SCARB2: variants seen among roughly 807,000 people sequenced by gnomAD.
SCARB2 encodes scavenger receptor class B member 2.
A neutral mutation model predicts 58.6 loss-of-function variants in SCARB2; 29 were observed. That is an observed-to-expected ratio of 0.49 (90% CI 0.37 to 0.67). The LOEUF is 0.67. Ranked by LOEUF, SCARB2 falls within the 30% of genes least tolerant of loss-of-function variation. The pLI, the probability that SCARB2 is intolerant of heterozygous loss-of-function variation, is 0.00. For missense variants in SCARB2, 488 were observed against 578.5 expected (o/e 0.84, Z 1.60); for synonymous variants, 195 against 210.1 (o/e 0.93, Z 0.62).
chr4:76,210,624 T>C (rs970400171), intron 1 of SCARB2, among the ~76,000 whole-genome samples: 4 of 152,356 alleles, frequency 2.6e-5, no homozygotes, highest in African/African-American at 9.6e-5. Flanking sequence ...AGAGAAGTAC[T>C]ATTATGCCTC....
At chr4:76,179,084 T>G in intron 4 of SCARB2, 1 of 182,372 alleles carries the variant, frequency 5.5e-6, no homozygotes, top group South Asian at 1.1e-4. Context: ...GACAGAGTCT[T>G]GCTCTGTCAC....
intron 11 of SCARB2, chr4:76,162,534 C>T (rs148833208): frequency 1.0e-4 from 16 of 153,580 alleles, no homozygotes; most frequent in African/African-American, 2.9e-4. Context: ...AACTCTTTAT[C>T]CTAGCCTTCC....
intron 7 of SCARB2, chr4:76,173,928 CT>C: frequency 1.6e-6 from 1 of 610,506 alleles, no homozygotes; most frequent in Non-Finnish European, 2.9e-6. Context: ...ACAATATATT[CT>C]TTTTTGTTTG....
At chr4:76,212,766 G>T (rs1323386223) in intron 1 of SCARB2, among the ~76,000 whole-genome samples, 1 of 152,198 alleles carries the variant, frequency 6.6e-6, no homozygotes, top group Non-Finnish European at 1.5e-5. Flanking sequence ...TCAGATTCTT[G>T]TAGGGTATCT....
intron 2 of SCARB2, chr4:76,194,181 G>A (rs927345289): frequency 2.0e-5 from 3 of 152,250 alleles, no homozygotes; most frequent in Non-Finnish European, 4.4e-5. Flanking sequence ...AAGCCGAGCA[G>A]AGCCAGTGTG....
At chr4:76,169,331 C>CACAT (rs10681169) in intron 8 of SCARB2, among the ~76,000 whole-genome samples, 1 of 140,958 alleles carries the variant, frequency 7.1e-6, no homozygotes, top group African/African-American at 3.0e-5. Context: ...CACACACACA[C>CACAT]ACACACACAC....
chr4:76,231,508 C>T (rs1733491888), intron 1 of SCARB2, among the ~76,000 whole-genome samples: 1 of 146,634 alleles, frequency 6.8e-6, no homozygotes, highest in Non-Finnish European at 1.5e-5. Flanking sequence ...TTCTCACTCG[C>T]CAGTCCTCAT....
intron 2 of SCARB2, among the ~76,000 whole-genome samples, chr4:76,190,254 C>G (rs1203451876): frequency 6.6e-6 from 1 of 152,036 alleles, no homozygotes; most frequent in East Asian, 1.9e-4. Flanking sequence ...AAGTGATCTG[C>G]CCACCTCAAC....
chr4:76,160,004 A>G lies in SCARB2; in HGVS notation c.*1709T>C, dbSNP rs546979594. ...ATGTAGATATTTAGCATTATTGAAG[A>G]CCAAATATTTTTGTTAGTTTTTTTA... On this transcript the variant is annotated 3_prime_UTR_variant, in exon 12 of 12. Transcript: ENST00000264896. The G allele has an allele frequency of 9.8e-5, 15 of 152,340 alleles. No homozygotes were observed. The highest frequency in any genetic ancestry group is 5.2e-4 in the Admixed American group (8 of 15,300). 9.4% of individuals were successfully genotyped at this position (152,340 alleles called of 1,614,324 possible).
Position 76,223,689 on chromosome 4 carries a change from A to T in SCARB2, c.-358+10614T>A, listed in dbSNP as rs140459763. 6.4e-4 allele frequency among the ~76,000 whole-genome samples: 97 copies of T among 152,322 alleles called. No homozygotes were observed. In the Middle Eastern group the frequency reaches 0.014, roughly 21 times the overall value. Reference sequence around the variant, plus strand: ...ACAACCTATGACCCATGAGTAGAGTAAAGTGTGAGAAGCATAGCAGGTTAG... The same window carrying T: ...ACAACCTATGACCCATGAGTAGAGTTAAGTGTGAGAAGCATAGCAGGTTAG... On this transcript the variant is annotated intron_variant, in intron 1 of 11. Coordinates refer to the SCARB2 transcript ENST00000638295.
chr4:76,196,222 G>A (rs1016443769), intron 1 of SCARB2, among the ~76,000 whole-genome samples: 1 of 152,202 alleles, frequency 6.6e-6, no homozygotes, highest in African/African-American at 2.4e-5. Flanking sequence ...GTGTGGTGGT[G>A]CGTGCCTGTA....
intron 2 of SCARB2, among the ~76,000 whole-genome samples, chr4:76,186,102 G>A (rs1233394168): frequency 2.0e-5 from 3 of 152,142 alleles, no homozygotes; most frequent in Admixed American, 2.0e-4. Flanking sequence ...GTAGAGCATG[G>A]GAGACTGCCT....
chr4:76,187,085 CA>C (rs1578727728), intron 2 of SCARB2, among the ~76,000 whole-genome samples: 1 of 152,052 alleles, frequency 6.6e-6, no homozygotes, highest in South Asian at 2.1e-4. Context: ...ACAGTATAAA[CA>C]AAATTCCTGC....
At chr4:76,167,055 A>G (rs1194998718) in intron 9 of SCARB2, among the ~76,000 whole-genome samples, 3 of 152,202 alleles carry the variant, frequency 2.0e-5, no homozygotes, top group South Asian at 2.1e-4. Context: ...ACTCAACATT[A>G]TATCATAATT....
intron 9 of SCARB2, 21 bp from the exon 10 acceptor site, chr4:76,166,322 A>G: frequency 6.2e-7 from 1 of 1,612,532 alleles, no homozygotes; most frequent in African/African-American, 1.3e-5. Flanking sequence ...AAAGGATGAG[A>G]TTGTTTCAGA....
intron 3 of SCARB2, 181 bp from the exon 4 acceptor site, chr4:76,179,886 TG>T: frequency 1.5e-6 from 1 of 669,796 alleles, no homozygotes; most frequent in Non-Finnish European, 2.7e-6. Flanking sequence ...GCCTCTTCTC[TG>T]TCCTTTCCCA....
chr4:76,162,039 C>T (rs1731910549), intron 11 of SCARB2: 2 of 494,196 alleles, frequency 4.0e-6, no homozygotes, highest in African/African-American at 3.9e-5. Flanking sequence ...TTGCCTCCTT[C>T]CTGGTTTGAA....
At chr4:76,232,688 C>T (rs1446190722) in intron 1 of SCARB2, among the ~76,000 whole-genome samples, 2 of 152,128 alleles carry the variant, frequency 1.3e-5, no homozygotes, top group African/African-American at 4.8e-5. Flanking sequence ...TTTACCTAGA[C>T]ATGTCAAATC....
At chr4:76,188,518 C>T (rs1215949711) in intron 2 of SCARB2, among the ~76,000 whole-genome samples, 1 of 152,202 alleles carries the variant, frequency 6.6e-6, no homozygotes, top group Non-Finnish European at 1.5e-5. Flanking sequence ...TTGCTTGGCC[C>T]TTCCCCATCT....
Sources: allele counts gnomAD v4.1 joint callset (sites outside exome capture counted in the v4.1 genomes callset), GRCh38; gene constraint gnomAD v4.1.1; transcripts MANE v1.5; gene names NCBI Gene and HGNC (gene_info 2026-07-23, HGNC 2026-07-21).